Variants in SEMA3D observed in about 807,000 individuals in gnomAD.
SEMA3D encodes the protein semaphorin-3D.
Under a neutral mutation model 100.1 loss-of-function variants are expected in SEMA3D, and 84 were observed. That is an observed-to-expected ratio of 0.84 (90% CI 0.70 to 1.01). SEMA3D has a LOEUF of 1.01. Ranked by LOEUF, SEMA3D falls within the 50% of genes least tolerant of loss-of-function variation. The pLI is 0.00. For missense variants in SEMA3D, 875 were observed against 934.1 expected (o/e 0.94, Z 0.82); for synonymous variants, 312 against 320.7 (o/e 0.97, Z 0.29).
intron 18 of SEMA3D, among the ~76,000 whole-genome samples, chr7:85,006,549 T>C (rs895734348): frequency 1.5e-4 from 23 of 151,934 alleles, no homozygotes; most frequent in African/African-American, 5.6e-4. Flanking sequence ...CTATGAAATA[T>C]GGAATTTGGA....
intron 8 of SEMA3D, among the ~76,000 whole-genome samples, chr7:85,056,102 A>C (rs1791311589): frequency 6.6e-6 from 1 of 152,076 alleles, no homozygotes; most frequent in South Asian, 2.1e-4. Context: ...ACATGACTAG[A>C]CTAAATTGCT....
At chr7:85,231,702 A>T in the SEMA3D span, among the ~76,000 whole-genome samples, 1 of 152,044 alleles carries the variant, frequency 6.6e-6, no homozygotes, top group Non-Finnish European at 1.5e-5. Context: ...CGCCCCCCTC[A>T]GCCTCCCAAA....
the SEMA3D span, among the ~76,000 whole-genome samples, chr7:85,234,784 T>C: frequency 3.3e-5 from 5 of 152,232 alleles, no homozygotes; most frequent in Non-Finnish European, 5.9e-5. Context: ...AAGCAAATAG[T>C]ATTATTCACT....
chr7:85,032,431 C>T (rs1486336138), intron 12 of SEMA3D, among the ~76,000 whole-genome samples: 1 of 151,946 alleles, frequency 6.6e-6, no homozygotes, highest in African/African-American at 2.4e-5. Flanking sequence ...TAAAAGGCTA[C>T]CTATCTATGC....
Position 85,065,444 on chromosome 7 carries a change from G to A in SEMA3D, c.698C>T (p.Ser233Leu), listed in dbSNP as rs143869872. The change falls in exon 8 of 19, where the codon TCA becomes TTA. Residue 233 changes from serine (S) to leucine (L), a missense_variant. Transcript: ENST00000284136. ...HDHHYIRTDI[S>L]EHYWLNGAKF... ...CAAACCATTGAGCCAGTAGTGCTCT[G>A]AAATGTCAGTTCTGATGTAGTGGTG... 4.6e-5 allele frequency: 74 copies of A among 1,613,266 alleles called. No homozygotes were observed. The highest frequency in any genetic ancestry group is 5.5e-5 in the Non-Finnish European group (65 of 1,179,520).
the SEMA3D span, among the ~76,000 whole-genome samples, chr7:85,203,612 A>G: frequency 3.9e-5 from 6 of 152,256 alleles, no homozygotes; most frequent in East Asian, 7.7e-4. Flanking sequence ...ATTTCATGTG[A>G]AGCAACTCCT....
At chr7:85,149,731 A>G (rs1253982563) in intron 2 of SEMA3D, among the ~76,000 whole-genome samples, 2 of 152,146 alleles carry the variant, frequency 1.3e-5, no homozygotes, top group Non-Finnish European at 2.9e-5. Flanking sequence ...GGACTTCTCA[A>G]TTAAGATTCA....
chr7:85,004,349 T>A (rs547384819), intron 18 of SEMA3D, among the ~76,000 whole-genome samples: 1 of 152,240 alleles, frequency 6.6e-6, no homozygotes, highest in South Asian at 2.1e-4. Context: ...ACAAGTGGAA[T>A]AATGCAAGTA....
At chr7:85,231,745 A>T in the SEMA3D span, among the ~76,000 whole-genome samples, 6 of 152,188 alleles carry the variant, frequency 3.9e-5, no homozygotes, top group South Asian at 2.1e-4. Context: ...CCACTGCGCC[A>T]GGCCTGGGGT....
chr7:85,249,551 T>C, the SEMA3D span, among the ~76,000 whole-genome samples: 1 of 152,290 alleles, frequency 6.6e-6, no homozygotes, highest in South Asian at 2.1e-4. Flanking sequence ...AACTATCCCT[T>C]GAAACTACCT....
chr7:85,122,305 A>G (rs1789448253), intron 2 of SEMA3D, among the ~76,000 whole-genome samples: 1 of 151,974 alleles, frequency 6.6e-6, no homozygotes, highest in East Asian at 1.9e-4. Context: ...TTCTGAATGT[A>G]TATAGATTTT....
At chr7:85,033,532 C>T (rs550273022) in intron 12 of SEMA3D, among the ~76,000 whole-genome samples, 28 of 152,148 alleles carry the variant, frequency 1.8e-4, no homozygotes, top group Middle Eastern at 3.4e-3. Context: ...GTAGTCATTT[C>T]GATACTTATT....
At chr7:85,032,889 GTCTT>G (rs1790584616) in intron 12 of SEMA3D, among the ~76,000 whole-genome samples, 1 of 151,962 alleles carries the variant, frequency 6.6e-6, no homozygotes, top group Admixed American at 6.6e-5. Flanking sequence ...AGGAGACTTG[GTCTT>G]TCTGTCTCTA....
chr7:85,062,446 G>T (rs1040740624), intron 8 of SEMA3D, among the ~76,000 whole-genome samples: 7 of 152,088 alleles, frequency 4.6e-5, no homozygotes. Flanking sequence ...GGAAGTAAAA[G>T]CTCTTAGAAA....
chr7:85,036,551 A>T (rs1790699301), intron 12 of SEMA3D, among the ~76,000 whole-genome samples: 2 of 152,136 alleles, frequency 1.3e-5, no homozygotes, highest in Admixed American at 1.3e-4. Flanking sequence ...TGTATGTGAG[A>T]AATAATACTT....
chr7:85,178,125 T>G lies in SEMA3D; in HGVS notation c.-173+8553A>C, dbSNP rs540811672. Among the ~76,000 whole-genome samples the G allele has an allele frequency of 8.5e-5, 13 of 152,332 alleles. No homozygotes were observed. In the South Asian group the frequency reaches 2.5e-3, roughly 29 times the overall value. On this transcript the variant is annotated intron_variant, in intron 1 of 18. Transcript: ENST00000284136. ...CCATGATTGTAAGTTTCCTGAGGCC[T>G]ACCCAGCCATGTGGAACTGTGAATC...
chr7:85,029,206 C>T (rs2115898933), intron 12 of SEMA3D: 2 of 704,220 alleles, frequency 2.8e-6, no homozygotes, highest in Non-Finnish European at 5.3e-6. Flanking sequence ...CACCATGGTG[C>T]TCATCAGATT....
intron 4 of SEMA3D, 48 bp downstream of exon 4, chr7:85,097,757 A>G: frequency 8.4e-7 from 1 of 1,192,980 alleles, no homozygotes; most frequent in Non-Finnish European, 1.2e-6. Flanking sequence ...AGAAGAAGAG[A>G]GATGAAAATA....
chr7:85,167,739 T>C (rs1790949179), intron 1 of SEMA3D, among the ~76,000 whole-genome samples: 1 of 151,832 alleles, frequency 6.6e-6, no homozygotes, highest in Admixed American at 6.6e-5. Context: ...AACTGAAAGA[T>C]ATAATGCAAT....
Sources: gnomAD v4.1 joint callset for allele counts (sites outside exome capture counted in the v4.1 genomes callset) on GRCh38, gnomAD v4.1.1 for gene constraint, MANE v1.5 for transcripts, NCBI Gene and HGNC (gene_info 2026-07-23, HGNC 2026-07-21) for gene names.